Variants in FCGR2A observed in about 807,000 individuals in gnomAD.
The protein encoded by FCGR2A is low affinity immunoglobulin gamma Fc region receptor II-a.
FCGR2A carries 18 observed loss-of-function variants against 29.3 expected under a neutral mutation model. That is an observed-to-expected ratio of 0.62 (90% CI 0.43 to 0.91). FCGR2A has a LOEUF of 0.91. FCGR2A is among the 40% of genes least tolerant of loss of function. The pLI, the probability that FCGR2A is intolerant of heterozygous loss-of-function variation, is 0.00. For missense variants in FCGR2A, 287 were observed against 393.0 expected, an observed-to-expected ratio of 0.73 and a Z score of 2.28; for synonymous variants, 126 against 144.8, an observed-to-expected ratio of 0.87 and a Z score of 0.93.
chr1:161,506,739 AC>A, intron 3 of FCGR2A, 148 bp downstream of exon 3: 1 of 1,393,942 alleles, frequency 7.2e-7, no homozygotes, highest in Non-Finnish European at 9.7e-7. Context: ...CATTTCACCC[AC>A]CCTCTTTGCT....
chr1:161,516,224 C>A lies in FCGR2A; in HGVS notation c.781-1751C>A, dbSNP rs542735483. Among the ~76,000 whole-genome samples the A allele has an allele frequency of 2.0e-5, 3 of 152,170 alleles. No homozygotes were observed. The South Asian group carries it at 6.2e-4, about 32-fold the overall frequency. ...GAAATGACAGGTATTCATTAAATAT[C>A]TACACCATTTCCAGATAAGACAAAC... On this transcript the variant is annotated intron_variant, in intron 6 of 6. Coordinates refer to ENST00000271450, the MANE Select transcript of FCGR2A (RefSeq NM_001136219.3).
chr1:161,513,751 T>TG (rs1675964920), intron 5 of FCGR2A, 144 bp from the exon 6 acceptor site: 1 of 1,192,844 alleles, frequency 8.4e-7, no homozygotes, highest in African/African-American at 1.5e-5. Flanking sequence ...CCATATTTAC[T>TG]TAGCCCTTGG....
Position 161,506,590 on chromosome 1 carries a change from C to T in FCGR2A, c.363C>T (p.Ser121=), listed in dbSNP as rs151051324. 8.3e-4 allele frequency: 1,344 copies of T among 1,613,956 alleles called. No individual in the cohort carries two copies. The highest frequency in any genetic ancestry group is 3.8e-3 in the Middle Eastern group (23 of 6,060). ...LSDPVHLTVL[S]EWLVLQTPHL... The stretch of plus-strand genomic sequence containing the variant: ...ACCCTGTGCATCTGACTGTGCTTTC[C>T]GGTCAGTGGAGGAAGGCCCCAGGGT... Residue 121 remains serine (S), a splice_region_variant and synonymous_variant, in exon 3 of 7, where the codon TCC becomes TCT. Coordinates refer to ENST00000271450, the MANE Select transcript of FCGR2A (RefSeq NM_001136219.3).
At chr1:161,510,661 G>A (rs1675713481) in intron 4 of FCGR2A, among the ~76,000 whole-genome samples, 173 bp from the exon 5 acceptor site, 1 of 152,256 alleles carries the variant, frequency 6.6e-6, no homozygotes, top group African/African-American at 2.4e-5. Context: ...CCCTGTGCCA[G>A]TGAGGCTGGG....
At chr1:161,510,546 G>A (rs1263175752) in intron 4 of FCGR2A, among the ~76,000 whole-genome samples, 5 of 152,200 alleles carry the variant, frequency 3.3e-5, no homozygotes, top group African/African-American at 9.7e-5. Context: ...GTCCCCAGGG[G>A]CTAAGGGGAA....
rs868229314 is a variant in FCGR2A, at chr1:161,509,963, C to T, written c.508C>T (p.Pro170Ser). 11 of 1,613,982 alleles carry T rather than the reference C, an allele frequency of 6.8e-6. No homozygotes were observed. Among genetic ancestry groups the T allele is most frequent in the Non-Finnish European group, 9.3e-6 (11 of 1,179,888 alleles). Residue 170 changes from proline to serine, a missense_variant, in exon 4 of 7, where the codon CCC becomes TCC. Physicochemically the swap from Pro to Ser is moderately conservative, Grantham distance 74. Transcript: ENST00000271450. ...ATCCCAGAAATTCTCCCATTTGGAT[C>T]CCACCTTCTCCATCCCACAAGCAAA... is the stretch of plus-strand genomic sequence containing the variant. The part of the protein sequence containing the change: ...GKSQKFSHLD[P>S]TFSIPQANHS...
rs1255051710 is a variant in FCGR2A, at chr1:161,507,699, G to T, written c.364+1108G>T. 3.3e-5 allele frequency among the ~76,000 whole-genome samples: 5 copies of T among 152,108 alleles called. No homozygotes were observed. In the East Asian group the frequency reaches 9.6e-4, roughly 29 times the overall value. On this transcript the variant is annotated intron_variant, in intron 3 of 6. Transcript: ENST00000271450. ...AAATATTGAGTTGACCTCAAAAGCTGCCTAATGACATCATAGCTCCTCTCT... is the reference window on the plus strand; with the variant it reads ...AAATATTGAGTTGACCTCAAAAGCTTCCTAATGACATCATAGCTCCTCTCT...
chr1:161,509,674 A>G (rs993614254), intron 3 of FCGR2A, 146 bp from the exon 4 acceptor site: 38 of 1,103,560 alleles, frequency 3.4e-5, no homozygotes, highest in Non-Finnish European at 4.9e-5. Flanking sequence ...TATTGCCTAT[A>G]AGAGAATGCT....
At chr1:161,505,884 G>A (rs1675351671) in intron 1 of FCGR2A, 103 bp from the exon 2 acceptor site, 6 of 1,119,318 alleles carry the variant, frequency 5.4e-6, no homozygotes, top group Non-Finnish European at 8.2e-6. Flanking sequence ...GGGTCCTGGA[G>A]AAGGAAGAGC....
rs1463483621 is a variant in FCGR2A, at chr1:161,518,837, G to C, written c.*689G>C. On this transcript the variant is annotated 3_prime_UTR_variant, in exon 7 of 7. Transcript: ENST00000271450. ...AGGGTTTCGCAATGTTGGCCAGGCCGATCTCGAACTTCTGGCCTCTAGCGA... is the reference window on the plus strand; with the variant it reads ...AGGGTTTCGCAATGTTGGCCAGGCCCATCTCGAACTTCTGGCCTCTAGCGA... 6.4e-6 allele frequency: 1 copy of C among 157,068 alleles called. No individual in the cohort carries two copies. Among genetic ancestry groups the C allele is most frequent in the Admixed American group, 6.5e-5 (1 of 15,388 alleles). The allele number at this position is 157,068 out of a possible 1,614,324, so 9.7% of individuals were successfully genotyped here.
chr1:161,508,028 GTGA>G (rs1485858652), intron 3 of FCGR2A, among the ~76,000 whole-genome samples: 2 of 145,992 alleles, frequency 1.4e-5, no homozygotes, highest in Non-Finnish European at 3.0e-5. Flanking sequence ...GGAGGTTGCG[GTGA>G]GCCAAGATCA....
chr1:161,505,697 T>A (rs1675342363), intron 1 of FCGR2A, 145 bp downstream of exon 1: 1 of 759,204 alleles, frequency 1.3e-6, no homozygotes, highest in Admixed American at 2.0e-5. Flanking sequence ...TTCTTAAGTG[T>A]TCCAATGGTT....
At chr1:161,510,289 G>C (rs1317459751) in intron 4 of FCGR2A, 9 of 841,058 alleles carry the variant, frequency 1.1e-5, no homozygotes, top group Non-Finnish European at 1.7e-5. Flanking sequence ...TAGTCAGGCT[G>C]TTGTTTCACT....
At chr1:161,513,976 T>G (rs1467683371) in intron 6 of FCGR2A, 44 bp downstream of exon 6, 1 of 1,613,770 alleles carries the variant, frequency 6.2e-7, no homozygotes, top group Non-Finnish European at 8.5e-7. Context: ...CCTTGTCCCT[T>G]CTCTCCTGTT....
chr1:161,511,479 G>C (rs1408027935), intron 5 of FCGR2A, among the ~76,000 whole-genome samples: 3 of 152,236 alleles, frequency 2.0e-5, no homozygotes, highest in Non-Finnish European at 4.4e-5. Context: ...CAGACTGTGA[G>C]ACACAGGGGT....
rs776571080 is a variant in FCGR2A at position 161,510,901 on chromosome 1, A to G, written c.687A>G (p.Ala229=). Residue 229 remains alanine, a synonymous_variant, in exon 5 of 7, where the codon GCA becomes GCG. Transcript: ENST00000271450. ...IVAVVIATAV[A]AIVAAVVALI... The stretch of plus-strand genomic sequence containing the variant: ...CTGTGGTCATTGCGACTGCTGTAGC[A>G]GCCATTGTTGCTGCTGTAGTGGCCT... 3.1e-6 allele frequency: 5 copies of G among 1,614,212 alleles called. No individual in the cohort carries two copies. In the South Asian group the frequency reaches 3.3e-5, roughly 11 times the overall value.
chr1:161,506,713 T>G, intron 3 of FCGR2A, 122 bp downstream of exon 3: 1 of 1,501,588 alleles, frequency 6.7e-7, no homozygotes. Context: ...CTGTTGTGAG[T>G]TGCTCATTCA....
chr1:161,509,685 C>A, intron 3 of FCGR2A, 135 bp from the exon 4 acceptor site: 1 of 1,186,070 alleles, frequency 8.4e-7, no homozygotes, highest in Non-Finnish European at 1.2e-6. Context: ...AGAGAATGCT[C>A]ACATCTGTCA....
At chr1:161,521,009 C>A (rs1429321768), downstream of FCGR2A, among the ~76,000 whole-genome samples, 2 of 150,536 alleles carry the variant, frequency 1.3e-5, no homozygotes, top group Admixed American at 1.3e-4. Context: ...CTGGAATGTT[C>A]TTTCTCATAG....
Sources: gnomAD v4.1 joint callset for allele counts (sites outside exome capture counted in the v4.1 genomes callset) on GRCh38, gnomAD v4.1.1 for gene constraint, MANE v1.5 for transcripts, NCBI Gene and HGNC (gene_info 2026-07-23, HGNC 2026-07-21) for gene names.